CCNL2: variants seen among roughly 807,000 people sequenced by gnomAD.
CCNL2 encodes cyclin L2, also known as cyclin-L2.
In CCNL2, 28 loss-of-function variants were observed where a neutral mutation model predicts 59.1. That is an observed-to-expected ratio of 0.47 (90% confidence interval 0.35 to 0.65). CCNL2 has a LOEUF of 0.65. Ranked by LOEUF, CCNL2 falls within the 30% of genes least tolerant of loss-of-function variation. CCNL2 has a pLI of 0.00. For missense variants in CCNL2, 714 were observed against 717.4 expected, an observed-to-expected ratio of 1.00 and a Z score of 0.05; for synonymous variants, 342 against 288.6, an observed-to-expected ratio of 1.19 and a Z score of -1.88.
At position 1,395,083 on chromosome 1, in the gene CCNL2, A is replaced by C. The variant is rs1569976340; in HGVS notation, c.594+311T>G. 1.5e-5 allele frequency: 4 copies of C among 273,180 alleles called. No individual in the cohort carries two copies. In the East Asian group the frequency reaches 2.8e-4, roughly 19 times the overall value. The allele number at this position is 273,180 out of a possible 1,614,324, so 16.9% of individuals were successfully genotyped here. ...ATCTCAAAAAAAAAGAAAACAAAAA[A>C]AAATTAACTGTAGAGAAAGGAAAAC... On this transcript the variant is annotated intron_variant, in intron 4 of 10. Transcript: ENST00000400809.
chr1:1,388,781 A>G, intron 8 of CCNL2: 1 of 387,684 alleles, frequency 2.6e-6, no homozygotes, highest in South Asian at 2.0e-5. Flanking sequence ...AGAAAAAAAA[A>G]AAAAAAAAAA....
rs766883143 is a variant in CCNL2, at chr1:1,387,301, G to A, written c.1493C>T (p.Ser498Leu). The change falls in exon 11 of 11, where the codon TCG becomes TTG. Residue 498 changes from serine (S) to leucine (L), a missense_variant. Around this residue, in one of 5 missense-constraint regions of CCNL2, gnomAD observed 403 missense variants for 377.7 expected, o/e 1.07. Transcript: ENST00000400809. ...HYYRDQRRER[S>L]RSYERTGRRY... ...ACGGCCTGTGCGTTCATACGACCTC[G>A]AGCGCTCTCGTCGCTGATCTCTGTA... 1.7e-5 allele frequency: 28 copies of A among 1,613,442 alleles called. No homozygotes were observed. The highest frequency in any genetic ancestry group is 7.7e-5 in the South Asian group (7 of 91,088).
At chr1:1,390,906 G>C (rs746339765) in intron 5 of CCNL2, 41 bp from the exon 6 acceptor site, 3 of 1,525,558 alleles carry the variant, frequency 2.0e-6, no homozygotes, top group African/African-American at 1.4e-5. Flanking sequence ...GCCCCACCCG[G>C]GAACCCAGGT....
chr1:1,395,284 G>C (rs981416975), intron 4 of CCNL2, 110 bp downstream of exon 4: 20 of 1,198,798 alleles, frequency 1.7e-5, no homozygotes, highest in Admixed American at 2.5e-5. Flanking sequence ...AGCCAAGTCA[G>C]GGATGCACTC....
intron 2 of CCNL2, 114 bp from the exon 3 acceptor site, chr1:1,398,456 A>C: frequency 1.9e-6 from 3 of 1,572,350 alleles, no homozygotes; most frequent in Non-Finnish European, 2.6e-6. Context: ...CAGGGGAAAA[A>C]AAAAGTCAAG....
chr1:1,391,651 C>T, intron 5 of CCNL2: 4 of 800,222 alleles, frequency 5.0e-6, no homozygotes, highest in Non-Finnish European at 7.4e-6. Context: ...CAACATAATA[C>T]TGAACATTTC....
chr1:1,398,132 A>T, intron 3 of CCNL2, 101 bp downstream of exon 3: 1 of 1,117,738 alleles, frequency 8.9e-7, no homozygotes, highest in South Asian at 1.4e-5. Flanking sequence ...ACAGGTTTAG[A>T]GCCTCAGGCC....
At chr1:1,398,784 C>T in intron 1 of CCNL2, 113 bp from the exon 2 acceptor site, 1 of 1,251,452 alleles carries the variant, frequency 8.0e-7, no homozygotes, top group East Asian at 2.3e-5. Flanking sequence ...TGAAACGCTT[C>T]CCACGTCCAC....
intron 3 of CCNL2, among the ~76,000 whole-genome samples, chr1:1,397,381 A>C (rs570154394): frequency 6.6e-6 from 1 of 152,256 alleles, no homozygotes; most frequent in South Asian, 2.1e-4. Flanking sequence ...TGCAGCCTCA[A>C]TCTCCTGGCC....
intron 3 of CCNL2, among the ~76,000 whole-genome samples, chr1:1,397,474 C>T (rs1008738747): frequency 6.6e-6 from 1 of 152,142 alleles, no homozygotes; most frequent in African/African-American, 2.4e-5. Flanking sequence ...GAATTTCTGG[C>T]TGTCACATCT....
chr1:1,387,611 T>C (rs758253020), intron 10 of CCNL2, 29 bp from the exon 11 acceptor site: 17 of 1,461,912 alleles, frequency 1.2e-5, no homozygotes, highest in Non-Finnish European at 1.5e-5. Context: ...CCACCACACG[T>C]GTGACCATCT....
Position 1,395,550 on chromosome 1 carries a change from C to A in CCNL2, c.474-36G>T, listed in dbSNP as rs772992705. ...GAGAGCACAGGGTCTGCACCACAGT[C>A]AAGCAGAGCAAGGCTTCTGAGATCC... On this transcript the variant is annotated intron_variant, in intron 3 of 10. Coordinates refer to ENST00000400809, the MANE Select transcript of CCNL2 (RefSeq NM_030937.6). 3.1e-6 allele frequency: 5 copies of A among 1,611,914 alleles called. No homozygotes were observed. Among genetic ancestry groups the A allele is most frequent in the South Asian group, 1.1e-5 (1 of 90,992 alleles).
chr1:1,392,993 T>C (rs1644832051), intron 5 of CCNL2: 2 of 648,028 alleles, frequency 3.1e-6, no homozygotes, highest in Admixed American at 5.4e-5. Flanking sequence ...AGCACATGCA[T>C]TGCTAAAATC....
chr1:1,394,601 T>C (rs1644914506), intron 4 of CCNL2, among the ~76,000 whole-genome samples: 1 of 151,434 alleles, frequency 6.6e-6, no homozygotes, highest in Admixed American at 6.6e-5. Flanking sequence ...GATACAAAAA[T>C]TACCCAGGTG....
intron 3 of CCNL2, among the ~76,000 whole-genome samples, chr1:1,397,569 A>G (rs140331512): frequency 0.011 from 1,737 of 152,246 alleles, 44 homozygotes; most frequent in African/African-American, 0.04. Flanking sequence ...CCCTACAACT[A>G]AAGATTACCC....
chr1:1,388,211 C>G (rs1644564715), intron 8 of CCNL2, 146 bp from the exon 9 acceptor site: 1 of 648,712 alleles, frequency 1.5e-6, no homozygotes. Flanking sequence ...GGACCCAGAA[C>G]TTACACAGAC....
At position 1,390,221 on chromosome 1, in the gene CCNL2, C is replaced by T; in HGVS notation, c.1006+9G>A. ...TGGGGAGTGGATTCCTGCACTCTAACAGACTCACCCAGCTTGGGGGCAGGA... is the reference window on the plus strand; with the variant it reads ...TGGGGAGTGGATTCCTGCACTCTAATAGACTCACCCAGCTTGGGGGCAGGA... On this transcript the variant is annotated intron_variant, in intron 8 of 10. Transcript: ENST00000400809. 6.2e-7 allele frequency: 1 copy of T among 1,600,928 alleles called. No individual in the cohort carries two copies. Among genetic ancestry groups the T allele is most frequent in the Non-Finnish European group, 8.5e-7 (1 of 1,170,646 alleles).
chr1:1,397,257 G>T (rs1162384881), intron 3 of CCNL2, among the ~76,000 whole-genome samples: 1 of 152,168 alleles, frequency 6.6e-6, no homozygotes, highest in East Asian at 1.9e-4. Context: ...CTCTGCTGGA[G>T]AAATTTTACT....
intron 3 of CCNL2, among the ~76,000 whole-genome samples, chr1:1,397,665 C>T (rs1645115641): frequency 6.6e-6 from 1 of 152,120 alleles, no homozygotes; most frequent in Non-Finnish European, 1.5e-5. Flanking sequence ...AATTTGAGAC[C>T]AGCCTGGGCA....
Sources: gnomAD v4.1 joint callset for allele counts (sites outside exome capture counted in the v4.1 genomes callset) on GRCh38, gnomAD v4.1.1 for gene constraint, gnomAD v4.1.1 regional missense constraint, MANE v1.5 for transcripts, NCBI Gene and HGNC (gene_info 2026-07-23, HGNC 2026-07-21) for gene names.